Variants in ZRANB3 observed in about 807,000 individuals in gnomAD.
ZRANB3 encodes the protein zinc finger RANBP2-type containing 3.
Under a neutral mutation model 133.8 loss-of-function variants are expected in ZRANB3, and 125 were observed. The observed-to-expected ratio is 0.93, with a 90% CI of 0.81 to 1.08. ZRANB3 has a LOEUF of 1.08. ZRANB3 is among the 50% of genes least tolerant of loss of function. ZRANB3 has a pLI of 0.00. For missense variants in ZRANB3, 1,229 were observed against 1,275.5 expected (o/e 0.96, Z 0.56); for synonymous variants, 387 against 432.7 (o/e 0.89, Z 1.31).
intron 5 of ZRANB3, among the ~76,000 whole-genome samples, chr2:135,349,619 A>G (rs893627369): frequency 6.6e-6 from 1 of 152,242 alleles, no homozygotes; most frequent in Non-Finnish European, 1.5e-5. Context: ...AAAAGAAATA[A>G]GGTAGATTCA....
intron 2 of ZRANB3, among the ~76,000 whole-genome samples, chr2:135,485,406 T>A (rs759758247): frequency 5.9e-5 from 9 of 152,176 alleles, no homozygotes; most frequent in Non-Finnish European, 1.0e-4. Context: ...GGGGCATGTA[T>A]GAGAGACTTT....
At chr2:135,343,010 C>CAAAAAAAAAAAAAAAA (rs11435525) in intron 6 of ZRANB3, among the ~76,000 whole-genome samples, 1 of 55,230 alleles carries the variant, frequency 1.8e-5, no homozygotes, top group African/African-American at 8.8e-5. Context: ...ACTAAAAATC[C>CAAAAAAAAAAAAAAAA]AAAAAAAAAA....
At chr2:135,240,298 C>T (rs1695496155) in intron 12 of ZRANB3, among the ~76,000 whole-genome samples, 1 of 152,252 alleles carries the variant, frequency 6.6e-6, no homozygotes, top group Non-Finnish European at 1.5e-5. Flanking sequence ...GGCAACATGG[C>T]AAGACCCTGT....
chr2:135,308,342 T>C (rs959421424), intron 8 of ZRANB3, among the ~76,000 whole-genome samples: 5 of 152,236 alleles, frequency 3.3e-5, no homozygotes, highest in Non-Finnish European at 7.4e-5. Context: ...GGCTTTGAGG[T>C]TGGAGGAGGG....
chr2:135,318,209 A>ATTTT (rs1313507659), intron 6 of ZRANB3, among the ~76,000 whole-genome samples: 1 of 112,192 alleles, frequency 8.9e-6, no homozygotes, highest in Non-Finnish European at 1.7e-5. Context: ...TTTACACACT[A>ATTTT]TTTTGTGTGT....
In ZRANB3 at chr2:135,254,126, T is replaced by G. The variant is rs114969031; in HGVS notation, c.1539+11408A>C. 4.4e-3 allele frequency among the ~76,000 whole-genome samples: 669 copies of G among 150,764 alleles called. 3 individuals carry two copies. The highest frequency in any genetic ancestry group is 0.01 in the Middle Eastern group (3 of 292). ...TGTAGATTTTGCATTCTCAGAACAA[T>G]TAATATTTGTTCATATCTCTGGGCT... On this transcript the variant is annotated intron_variant, in intron 12 of 20. Coordinates refer to ENST00000264159, the MANE Select transcript of ZRANB3 (RefSeq NM_032143.4).
intron 12 of ZRANB3, among the ~76,000 whole-genome samples, chr2:135,249,887 A>C (rs945652528): frequency 6.6e-6 from 1 of 152,232 alleles, no homozygotes; most frequent in African/African-American, 2.4e-5. Context: ...GGACTAATAC[A>C]GTAAACTGGT....
At chr2:135,480,188 C>T (rs766665697) in intron 2 of ZRANB3, among the ~76,000 whole-genome samples, 3 of 151,862 alleles carry the variant, frequency 2.0e-5, no homozygotes, top group Admixed American at 6.6e-5. Context: ...GTGACCTGCC[C>T]GCCTCAGCCT....
At chr2:135,335,268 T>C (rs1328406889) in intron 6 of ZRANB3, among the ~76,000 whole-genome samples, 1 of 152,096 alleles carries the variant, frequency 6.6e-6, no homozygotes, top group African/African-American at 2.4e-5. Context: ...AATTGATGAA[T>C]TATTGTCAAG....
chr2:135,273,135 G>A (rs1680616625), intron 9 of ZRANB3, among the ~76,000 whole-genome samples: 1 of 149,782 alleles, frequency 6.7e-6, no homozygotes, highest in Non-Finnish European at 1.5e-5. Context: ...GCAGCGAGTG[G>A]AGATCTAGCC....
chr2:135,490,245 A>G (rs190070860), intron 2 of ZRANB3, among the ~76,000 whole-genome samples: 4 of 152,328 alleles, frequency 2.6e-5, no homozygotes, highest in Non-Finnish European at 5.9e-5. Flanking sequence ...GAGAGAAAAT[A>G]TTTACAAAAT....
chr2:135,202,690 TG>T, intron 20 of ZRANB3, 141 bp downstream of exon 20: 1 of 1,006,094 alleles, frequency 9.9e-7, no homozygotes, highest in Non-Finnish European at 1.4e-6. Context: ...GAAAGGCAAG[TG>T]TTGGGTGATG....
Position 135,407,921 on chromosome 2 carries a change from C to G in ZRANB3, c.162-17101G>C, listed in dbSNP as rs548608683. ...TTCAGGACATAGGCATGGGCAAGGACTTCATGTCTAAAACACCAAAAGCAA... is the reference window on the plus strand; with the variant it reads ...TTCAGGACATAGGCATGGGCAAGGAGTTCATGTCTAAAACACCAAAAGCAA... On this transcript the variant is annotated intron_variant, in intron 2 of 20. Transcript: ENST00000264159. 4.1e-5 allele frequency among the ~76,000 whole-genome samples: 6 copies of G among 147,736 alleles called. No homozygotes were observed. The East Asian group carries it at 1.2e-3, about 29-fold the overall frequency.
At chr2:135,530,586 A>C (rs941701291) in intron 1 of ZRANB3, 1 of 152,258 alleles carries the variant, frequency 6.6e-6, no homozygotes, top group Non-Finnish European at 1.5e-5. Context: ...GTCCGCCCCT[A>C]AGCGGAAGTG....
rs1193478312 is a variant in ZRANB3 at position 135,415,904 on chromosome 2, A to G, written c.162-25084T>C. Reference sequence around the variant, plus strand: ...CAGAAAAGGCCTTTGACAAAATTCAACAACCCTTCATGCTAAAAACTCTCA... The same window carrying G: ...CAGAAAAGGCCTTTGACAAAATTCAGCAACCCTTCATGCTAAAAACTCTCA... On this transcript the variant is annotated intron_variant, in intron 2 of 20. Coordinates refer to ENST00000264159, the MANE Select transcript of ZRANB3 (RefSeq NM_032143.4). Among the ~76,000 whole-genome samples, 4 of 152,132 alleles carry G rather than the reference A, an allele frequency of 2.6e-5. No homozygotes were observed. The South Asian group carries it at 8.3e-4, about 32-fold the overall frequency.
chr2:135,376,803 A>G (rs941330139), intron 3 of ZRANB3, among the ~76,000 whole-genome samples: 9 of 152,264 alleles, frequency 5.9e-5, no homozygotes, highest in African/African-American at 2.2e-4. Flanking sequence ...ATTGAACTTT[A>G]TCGCATAAAG....
chr2:135,316,709 C>T (rs892568700), intron 6 of ZRANB3, among the ~76,000 whole-genome samples: 8 of 151,812 alleles, frequency 5.3e-5, no homozygotes, highest in South Asian at 2.1e-4. Context: ...GGCTCACGCC[C>T]GTAATCCCAG....
At chr2:135,322,262 G>C (rs557479592) in intron 6 of ZRANB3, among the ~76,000 whole-genome samples, 5 of 152,238 alleles carry the variant, frequency 3.3e-5, no homozygotes, top group Admixed American at 2.0e-4. Flanking sequence ...AAGAAAAATA[G>C]TGTGAATCTT....
chr2:135,313,266 T>C (rs1422345517), intron 8 of ZRANB3, among the ~76,000 whole-genome samples: 2 of 149,152 alleles, frequency 1.3e-5, no homozygotes, highest in African/African-American at 5.0e-5. Context: ...GGCAGGAGAA[T>C]GGCTTGAACC....
Sources: allele counts gnomAD v4.1 joint callset (sites outside exome capture counted in the v4.1 genomes callset), GRCh38; gene constraint gnomAD v4.1.1; transcripts MANE v1.5; gene names NCBI Gene and HGNC (gene_info 2026-07-23, HGNC 2026-07-21).